PCSK5: variants seen among roughly 807,000 people sequenced by gnomAD.
PCSK5 encodes the protein prohormone convertase 5.
Under a neutral mutation model 233.2 loss-of-function variants are expected in PCSK5, and 129 were observed. The observed-to-expected ratio is 0.55, with a 90% CI of 0.48 to 0.64. The LOEUF (loss-of-function observed/expected upper bound fraction) is 0.64. PCSK5 is among the 30% of genes least tolerant of loss of function. PCSK5 has a pLI of 0.00. For synonymous variants in PCSK5, 825 were observed against 879.2 expected (o/e 0.94, Z 1.09); for missense variants, 2,076 against 2,430.1 (o/e 0.85, Z 3.06).
intron 2 of PCSK5, among the ~76,000 whole-genome samples, chr9:75,941,923 C>T (rs1587394535): frequency 6.6e-6 from 1 of 152,204 alleles, no homozygotes; most frequent in African/African-American, 2.4e-5. Context: ...TGATCAAAGA[C>T]CCAATCTCTT....
At chr9:76,248,074 G>A (rs1413134354) in intron 24 of PCSK5, among the ~76,000 whole-genome samples, 2 of 152,046 alleles carry the variant, frequency 1.3e-5, no homozygotes, top group East Asian at 1.9e-4. Context: ...ATGAGCCACC[G>A]CTCCCGACCT....
Position 76,332,544 on chromosome 9 carries a change from A to C in PCSK5, c.4682A>C (p.Gln1561Pro). The change falls in exon 34 of 38, where the codon CAG becomes CCG. Residue 1561 changes from glutamine to proline, a missense_variant. This residue lies in a region of PCSK5 where 1,510 missense variants were observed against 1,538.1 expected (regional missense o/e 0.98). Transcript: ENST00000674117. ...ACATGTGAAGGGAGACACAGCAGGC[A>C]GTGCCACTCCTGCCGACCGGGCTGG... ...CRTCEGRHSR[Q>P]CHSCRPGWFQ... The C allele has an allele frequency of 6.2e-7, 1 of 1,612,460 alleles. No homozygotes were observed. The highest frequency in any genetic ancestry group is 8.5e-7 in the Non-Finnish European group (1 of 1,179,624).
rs575129998 is a variant in PCSK5 at position 76,163,727 on chromosome 9, G to T, written c.1619+4556G>T. Reference sequence around the variant, plus strand: ...GGGTCCTTTGAAAATGTTTTTAGATGAGAGCAACTTTAGATATAAGCCTAT... The same window carrying T: ...GGGTCCTTTGAAAATGTTTTTAGATTAGAGCAACTTTAGATATAAGCCTAT... On this transcript the variant is annotated intron_variant, in intron 12 of 37. Coordinates refer to ENST00000674117, the MANE Select transcript of PCSK5 (RefSeq NM_001372043.1). Among the ~76,000 whole-genome samples, 16 of 152,234 alleles carry T rather than the reference G, an allele frequency of 1.1e-4. No homozygotes were observed. In the South Asian group the frequency reaches 3.3e-3, roughly 32 times the overall value.
chr9:76,256,910 A>G (rs146819318), intron 24 of PCSK5, among the ~76,000 whole-genome samples: 342 of 152,322 alleles, frequency 2.2e-3, no homozygotes, highest in African/African-American at 7.7e-3. Flanking sequence ...AAAGCATCAC[A>G]TAAATTGCCT....
intron 32 of PCSK5, among the ~76,000 whole-genome samples, chr9:76,324,218 G>A (rs576076609): frequency 2.8e-4 from 43 of 151,644 alleles, no homozygotes; most frequent in African/African-American, 9.4e-4. Flanking sequence ...GAGCCATGGC[G>A]CTCGGTCCAT....
chr9:76,067,925 C>T, intron 5 of PCSK5, 30 bp from the exon 6 acceptor site: 1 of 1,578,614 alleles, frequency 6.3e-7, no homozygotes, highest in Non-Finnish European at 8.7e-7. Flanking sequence ...GTGTGTCTTA[C>T]TTGAGAAAGT....
chr9:76,273,388 T>TTAGTCTCCTTCA (rs1827585786), intron 24 of PCSK5, among the ~76,000 whole-genome samples: 1 of 151,970 alleles, frequency 6.6e-6, no homozygotes, highest in Non-Finnish European at 1.5e-5. Context: ...GTACTAGGAA[T>TTAGTCTCCTTCA]TAGTCTCCTT....
chr9:76,231,059 C>T (rs572028245), intron 21 of PCSK5, among the ~76,000 whole-genome samples: 1 of 152,150 alleles, frequency 6.6e-6, no homozygotes, highest in South Asian at 2.1e-4. Context: ...TGAAGAAATA[C>T]TCGAGACTGG....
intron 5 of PCSK5, among the ~76,000 whole-genome samples, chr9:76,067,679 A>T (rs745478405): frequency 9.9e-5 from 15 of 152,232 alleles, no homozygotes; most frequent in Non-Finnish European, 2.1e-4. Context: ...AGTTTGGGGG[A>T]TATAGAAACG....
intron 20 of PCSK5, 152 bp downstream of exon 20, chr9:76,189,898 T>C (rs1824283283): frequency 1.8e-6 from 1 of 550,438 alleles, no homozygotes; most frequent in Non-Finnish European, 3.2e-6. Context: ...CTTGAACTTA[T>C]GCCCTTAATG....
chr9:76,042,613 G>A (rs1206461213), intron 5 of PCSK5, among the ~76,000 whole-genome samples: 1 of 152,012 alleles, frequency 6.6e-6, no homozygotes, highest in Non-Finnish European at 1.5e-5. Context: ...CTGAGATCAC[G>A]CCACGGCATG....
chr9:76,185,784 T>G (rs943665278), intron 17 of PCSK5, among the ~76,000 whole-genome samples: 5 of 152,142 alleles, frequency 3.3e-5, no homozygotes, highest in Non-Finnish European at 4.4e-5. Context: ...TTGGGGCAAG[T>G]CACTTAACTA....
intron 1 of PCSK5, among the ~76,000 whole-genome samples, chr9:75,925,194 G>A (rs1302502240): frequency 6.6e-6 from 1 of 152,116 alleles, no homozygotes; most frequent in Non-Finnish European, 1.5e-5. Flanking sequence ...TGATTATGTG[G>A]TTATTGGTGA....
intron 20 of PCSK5, among the ~76,000 whole-genome samples, chr9:76,204,632 T>G (rs549924827): frequency 6.6e-6 from 1 of 152,136 alleles, no homozygotes; most frequent in Admixed American, 6.6e-5. Context: ...TCTTATTTGT[T>G]GGATGTCTGA....
intron 5 of PCSK5, among the ~76,000 whole-genome samples, chr9:76,060,759 G>C (rs766677116): frequency 6.6e-6 from 1 of 152,128 alleles, no homozygotes; most frequent in Non-Finnish European, 1.5e-5. Context: ...ACTTTGTATT[G>C]TTAGCTATTT....
intron 2 of PCSK5, 38 bp downstream of exon 2, chr9:75,932,521 G>C (rs1423701333): frequency 2.4e-6 from 3 of 1,227,224 alleles, no homozygotes; most frequent in Non-Finnish European, 3.6e-6. Context: ...AAGAGGCAAA[G>C]CTTCTGCATT....
chr9:76,042,390 C>A (rs550943528), intron 5 of PCSK5, among the ~76,000 whole-genome samples: 48 of 152,352 alleles, frequency 3.2e-4, no homozygotes, highest in Admixed American at 1.5e-3. Flanking sequence ...GTGGCTCACG[C>A]CTGTAATCCC....
Position 76,121,814 on chromosome 9 carries a change from GTTT to G in PCSK5, c.1209-12270_1209-12268del, listed in dbSNP as rs568155033. ...AATACTATAAACATCTCTTGTATTG[GTTT>G]TTTTTTTTTTTTTTTTTTTTTTTTG... On this transcript the variant is annotated intron_variant, in intron 9 of 37. Transcript: ENST00000674117. Among the ~76,000 whole-genome samples, 61 of 61,756 alleles carry G rather than the reference GTTT, an allele frequency of 9.9e-4. 1 individual carries two copies. The highest frequency in any genetic ancestry group is 2.6e-3 in the African/African-American group (57 of 21,530). 40.5% of individuals were successfully genotyped at this position (61,756 alleles called of 152,430 possible).
At chr9:76,191,432 A>G (rs1186587715) in intron 20 of PCSK5, among the ~76,000 whole-genome samples, 1 of 151,064 alleles carries the variant, frequency 6.6e-6, no homozygotes, top group East Asian at 2.0e-4. Flanking sequence ...CATTTCCACC[A>G]TCTGTAAAAA....
Sources: allele counts gnomAD v4.1 joint callset (sites outside exome capture counted in the v4.1 genomes callset), GRCh38; gene constraint gnomAD v4.1.1; regional missense constraint gnomAD v4.1.1; transcripts MANE v1.5; gene names NCBI Gene and HGNC (gene_info 2026-07-23, HGNC 2026-07-21).